The following GRM1 variants were observed in gnomAD, a reference collection of about 807,000 sequenced individuals.
GRM1 encodes the protein glutamate metabotropic receptor 1.
Under a neutral mutation model 90.9 loss-of-function variants are expected in GRM1, and 33 were observed. The observed-to-expected ratio is 0.36, with a 90% CI of 0.28 to 0.49. The LOEUF is 0.49. GRM1 is among the 20% of genes least tolerant of loss of function. The pLI, the probability that GRM1 is intolerant of heterozygous loss-of-function variation, is 0.99. For missense variants in GRM1, 1,190 were observed against 1,534.3 expected (o/e 0.78, Z 3.75); for synonymous variants, 700 against 613.2 (o/e 1.14, Z -2.09).
At chr6:146,291,389 TATATATTTATTTTATA>T (rs1782977580) in intron 2 of GRM1, among the ~76,000 whole-genome samples, 1 of 150,792 alleles carries the variant, frequency 6.6e-6, no homozygotes, top group African/African-American at 2.4e-5. Flanking sequence ...ATATATTATA[TATATATTTATTTTATA>T]CTTTGTAAAG....
At chr6:146,363,874 G>A (rs1445742940) in intron 5 of GRM1, among the ~76,000 whole-genome samples, 3 of 152,168 alleles carry the variant, frequency 2.0e-5, no homozygotes, top group African/African-American at 7.2e-5. Context: ...ACAAAAATAT[G>A]CTATAACACC....
chr6:146,178,803 G>A (rs888058597), intron 2 of GRM1, among the ~76,000 whole-genome samples: 1 of 152,178 alleles, frequency 6.6e-6, no homozygotes, highest in Admixed American at 6.5e-5. Flanking sequence ...GTATATTCAT[G>A]TTTGGGACTA....
At chr6:146,296,255 G>A (rs1783174676) in intron 2 of GRM1, among the ~76,000 whole-genome samples, 1 of 152,124 alleles carries the variant, frequency 6.6e-6, no homozygotes, top group Non-Finnish European at 1.5e-5. Flanking sequence ...TTGCTGGGTT[G>A]AATTGTAGTT....
At chr6:146,064,520 T>C (rs1348563649) in intron 1 of GRM1, among the ~76,000 whole-genome samples, 1 of 152,176 alleles carries the variant, frequency 6.6e-6, no homozygotes, top group African/African-American at 2.4e-5. Context: ...TCCAAATCCA[T>C]TTGGATTATT....
At chr6:146,031,086 A>C (rs1790690070) in intron 1 of GRM1, among the ~76,000 whole-genome samples, 1 of 152,178 alleles carries the variant, frequency 6.6e-6, no homozygotes, top group African/African-American at 2.4e-5. Flanking sequence ...CTAAGGTTAA[A>C]AGCTTTGATT....
rs1285132412 is a variant in GRM1, at chr6:146,270,955, T to TCC, written c.951-33656_951-33655insCC. ...TTCCTTCCTTCCTTCCTTCCTTCCT[T>TCC]TCTTTCTTTCTTTTTTTTTTCTCTC... On this transcript the variant is annotated intron_variant, in intron 2 of 7. Transcript: ENST00000282753. Among the ~76,000 whole-genome samples the TCC allele has an allele frequency of 7.1e-3, 770 of 108,212 alleles. 31 individuals are homozygous for TCC. The highest frequency in any genetic ancestry group is 0.029 in the African/African-American group (591 of 20,660). The allele number at this position is 108,212 out of a possible 152,430, so 71.0% of individuals were successfully genotyped here.
At chr6:146,389,419 C>G (rs1420165176) in intron 6 of GRM1, among the ~76,000 whole-genome samples, 3 of 151,658 alleles carry the variant, frequency 2.0e-5, no homozygotes, top group Admixed American at 1.3e-4. Context: ...GATAAAAAAG[C>G]TTTTTAAAAA....
chr6:146,297,908 T>C (rs1562590610), intron 2 of GRM1, among the ~76,000 whole-genome samples: 2 of 152,182 alleles, frequency 1.3e-5, no homozygotes, highest in Non-Finnish European at 2.9e-5. Context: ...TCCCTTTCAC[T>C]CTGTGTTCTT....
intron 2 of GRM1, among the ~76,000 whole-genome samples, chr6:146,269,099 T>A (rs1256708120): frequency 6.6e-6 from 1 of 152,206 alleles, no homozygotes; most frequent in Admixed American, 6.5e-5. Context: ...ATGTATTCCT[T>A]AAGGAAAGAG....
chr6:146,274,282 TA>T (rs1782278390), intron 2 of GRM1, among the ~76,000 whole-genome samples: 1 of 152,216 alleles, frequency 6.6e-6, no homozygotes, highest in African/African-American at 2.4e-5. Context: ...TCAATTAACA[TA>T]ATTTTTAAAA....
At position 146,260,507 on chromosome 6, in the gene GRM1, T is replaced by C. The variant is rs1358832282; in HGVS notation, c.951-44104T>C. 3.3e-5 allele frequency among the ~76,000 whole-genome samples: 5 copies of C among 152,156 alleles called. 1 individual carries two copies. The highest frequency in any genetic ancestry group is 3.3e-4 in the Admixed American group (5 of 15,258). ...GTAGAATGATTTATAATCCTTTGGG[T>C]ATATACCCAGTAATGGGATTGCTGG... is the stretch of plus-strand genomic sequence containing the variant. On this transcript the variant is annotated intron_variant, in intron 2 of 7. Transcript: ENST00000282753.
At chr6:146,224,621 T>C (rs1345552150) in intron 2 of GRM1, among the ~76,000 whole-genome samples, 2 of 152,170 alleles carry the variant, frequency 1.3e-5, no homozygotes, top group Admixed American at 1.3e-4. Context: ...AGAGTCTGTG[T>C]TTCGTAACAT....
intron 5 of GRM1, among the ~76,000 whole-genome samples, chr6:146,379,845 G>A (rs565610375): frequency 1.6e-4 from 25 of 152,110 alleles, no homozygotes; most frequent in African/African-American, 2.7e-4. Flanking sequence ...CACCTTGATT[G>A]TCTTGGACAA....
At chr6:146,191,398 T>A (rs754712806) in intron 2 of GRM1, among the ~76,000 whole-genome samples, 1 of 152,232 alleles carries the variant, frequency 6.6e-6, no homozygotes, top group African/African-American at 2.4e-5. Context: ...GGTGGTTTAC[T>A]GGATGGTTTC....
intron 2 of GRM1, among the ~76,000 whole-genome samples, chr6:146,198,411 TA>T (rs1362407743): frequency 6.6e-6 from 1 of 152,064 alleles, no homozygotes; most frequent in Non-Finnish European, 1.5e-5. Context: ...ACTCCCAGGA[TA>T]AAAAATATTT....
Position 146,159,602 on chromosome 6 carries a change from G to A in GRM1, c.950+5G>A. 2.0e-6 allele frequency: 3 copies of A among 1,526,488 alleles called. No homozygotes were observed. The highest frequency in any genetic ancestry group is 3.6e-5 in the Admixed American group (2 of 55,950). The allele number at this position is 1,526,488 out of a possible 1,614,324, so 94.6% of individuals were successfully genotyped here. A position where few individuals can be genotyped will look rare whatever the true frequency, so the allele number is the denominator to read the frequency against. ...CGAGTTCTCACTCATTGGAAGGTAA[G>A]TTTCTCTCTCTCTCTCTCTCTCTCT... On this transcript the variant is annotated splice_donor_5th_base_variant and intron_variant, in intron 2 of 7. Coordinates refer to ENST00000282753, the MANE Select transcript of GRM1 (RefSeq NM_001278064.2).
At chr6:146,105,225 T>C (rs1475775898) in intron 1 of GRM1, among the ~76,000 whole-genome samples, 2 of 152,160 alleles carry the variant, frequency 1.3e-5, no homozygotes, top group African/African-American at 4.8e-5. Flanking sequence ...TTGTCCTGGG[T>C]TGAGAAACTG....
At chr6:146,362,833 C>T (rs1775541217) in intron 5 of GRM1, among the ~76,000 whole-genome samples, 1 of 151,972 alleles carries the variant, frequency 6.6e-6, no homozygotes, top group Non-Finnish European at 1.5e-5. Flanking sequence ...TCTTATATGA[C>T]TGATTTTTTC....
intron 3 of GRM1, among the ~76,000 whole-genome samples, chr6:146,336,096 C>T (rs1005710681): frequency 2.0e-5 from 3 of 152,166 alleles, no homozygotes; most frequent in African/African-American, 7.2e-5. Flanking sequence ...ATTACCCAGT[C>T]TTGGGTATGT....
Sources: allele counts gnomAD v4.1 joint callset (sites outside exome capture counted in the v4.1 genomes callset), GRCh38; gene constraint gnomAD v4.1.1; transcripts MANE v1.5; gene names NCBI Gene and HGNC (gene_info 2026-07-23, HGNC 2026-07-21).